ANK2: variants seen among roughly 807,000 people sequenced by gnomAD.
The protein encoded by ANK2 is ankyrin-2.
Under a neutral mutation model 360.5 loss-of-function variants are expected in ANK2, and 83 were observed. That is an observed-to-expected ratio of 0.23 (90% confidence interval 0.19 to 0.28). ANK2 has a LOEUF of 0.28. Among genes scored for constraint, ANK2 ranks in the 10% least tolerant of loss-of-function variants. ANK2 has a pLI of 1.00. For synonymous variants in ANK2, 1,740 were observed against 1,759.5 expected, an observed-to-expected ratio of 0.99 and a Z score of 0.28; for missense variants, 4,201 against 4,795.7, an observed-to-expected ratio of 0.88 and a Z score of 3.66.
chr4:113,160,756 T>C (rs1344986739), intron 1 of ANK2, among the ~76,000 whole-genome samples: 2 of 152,224 alleles, frequency 1.3e-5, no homozygotes, highest in Non-Finnish European at 2.9e-5. Flanking sequence ...CAGATGAATT[T>C]GGACCCCACT....
At chr4:112,755,528 G>A in the ANK2 span, among the ~76,000 whole-genome samples, 4 of 152,186 alleles carry the variant, frequency 2.6e-5, no homozygotes, top group East Asian at 5.8e-4. Context: ...TTTGCGGGCA[G>A]GGGTGGATCT....
At chr4:113,288,814 C>A (rs942541053) in intron 20 of ANK2, among the ~76,000 whole-genome samples, 1 of 152,006 alleles carries the variant, frequency 6.6e-6, no homozygotes, top group African/African-American at 2.4e-5. Context: ...GTGGCTTGGC[C>A]CCCCTCCCCT....
In ANK2 at chr4:113,188,343, G is replaced by A. The variant is rs181379658; in HGVS notation, c.187-8025G>A. On this transcript the variant is annotated intron_variant, in intron 2 of 45. Coordinates refer to ENST00000357077, the MANE Select transcript of ANK2 (RefSeq NM_001148.6). ...AGGAAAGCTTCTAATACTTAGGAAG[G>A]TTCTAGTCATGCCTCCTTAAGCATC... Among the ~76,000 whole-genome samples the A allele has an allele frequency of 2.4e-3, 363 of 152,182 alleles. 1 individual carries two copies. Among genetic ancestry groups the A allele is most frequent in the African/African-American group, 8.0e-3 (332 of 41,520 alleles).
At chr4:112,956,559 G>A (rs984758455) in intron 2 of ANK2, among the ~76,000 whole-genome samples, 1 of 152,228 alleles carries the variant, frequency 6.6e-6, no homozygotes, top group Admixed American at 6.5e-5. Flanking sequence ...TGGGCGGGCA[G>A]CATAGACAGC....
At position 113,004,377 on chromosome 4, in the gene ANK2, A is replaced by T. The variant is rs561576369; in HGVS notation, c.21+99863A>T. ...TCTATAAACTATTTTCTATTTAAAA[A>T]TTTTTTTTGTTTTTAATTTTTTTTT... On this transcript the variant is annotated intron_variant, in intron 2 of 30. Coordinates refer to the ANK2 transcript ENST00000503271. Among the ~76,000 whole-genome samples, 243 of 152,000 alleles carry T rather than the reference A, an allele frequency of 1.6e-3. 2 individuals are homozygous for T. The highest frequency in any genetic ancestry group is 4.8e-3 in the South Asian group (23 of 4,804).
chr4:113,128,490 T>C (rs1460652523), intron 1 of ANK2, among the ~76,000 whole-genome samples: 5 of 152,160 alleles, frequency 3.3e-5, no homozygotes, highest in African/African-American at 7.2e-5. Context: ...CTCGTTGTTA[T>C]TTATTTATTT....
At chr4:113,339,417 T>A in intron 32 of ANK2, 95 bp downstream of exon 32, 6 of 999,250 alleles carry the variant, frequency 6.0e-6, no homozygotes, top group Non-Finnish European at 9.4e-6. Context: ...GTTTAAAAGT[T>A]ATTTTTTCAT....
At chr4:113,032,564 A>G (rs1032440446) in intron 2 of ANK2, among the ~76,000 whole-genome samples, 1 of 151,988 alleles carries the variant, frequency 6.6e-6, no homozygotes, top group African/African-American at 2.4e-5. Flanking sequence ...GAATGATTAT[A>G]TGGTCCTCAC....
upstream of ANK2, among the ~76,000 whole-genome samples, chr4:113,048,720 G>A (rs374964039): frequency 1.1e-4 from 16 of 152,110 alleles, 1 homozygote; most frequent in South Asian, 2.3e-3. Flanking sequence ...AGGAGGGATT[G>A]TGTTTTATTC....
At chr4:113,341,193 A>G (rs1057100291) in intron 32 of ANK2, among the ~76,000 whole-genome samples, 19 of 152,226 alleles carry the variant, frequency 1.2e-4, no homozygotes, top group African/African-American at 4.3e-4. Context: ...TTAGAGTTCC[A>G]TGGAAAAGAA....
chr4:113,048,248 G>GTATATATATATATATATATATA (rs869196489), upstream of ANK2, among the ~76,000 whole-genome samples: 51 of 36,220 alleles, frequency 1.4e-3, no homozygotes, highest in Non-Finnish European at 2.4e-3. Flanking sequence ...CTACAAGTGT[G>GTATATATATATATATATATATA]TATATATATA....
chr4:113,265,264 T>G (rs2055323008), intron 14 of ANK2, among the ~76,000 whole-genome samples: 1 of 152,232 alleles, frequency 6.6e-6, no homozygotes. Context: ...ATTTTAATAC[T>G]GTTTTAACCT....
chr4:113,071,188 C>A (rs1037697392), intron 1 of ANK2, among the ~76,000 whole-genome samples: 2 of 152,100 alleles, frequency 1.3e-5, no homozygotes, highest in Non-Finnish European at 2.9e-5. Flanking sequence ...AAAACAAAAC[C>A]TACATGCAAT....
chr4:113,269,905 T>A (rs2057866803), intron 14 of ANK2, among the ~76,000 whole-genome samples: 1 of 152,228 alleles, frequency 6.6e-6, no homozygotes, highest in Admixed American at 6.5e-5. Flanking sequence ...CGGGTAGCCT[T>A]AACATTACTC....
chr4:113,277,779 A>AT (rs1349023684), intron 15 of ANK2, 58 bp from the exon 16 acceptor site: 4 of 1,405,650 alleles, frequency 2.8e-6, no homozygotes, highest in Middle Eastern at 1.8e-4. Flanking sequence ...AAATAAAAAG[A>AT]TTTTTTGAGG....
chr4:112,988,512 G>T (rs1021538155), intron 2 of ANK2, among the ~76,000 whole-genome samples: 49 of 152,216 alleles, frequency 3.2e-4, no homozygotes, highest in African/African-American at 1.2e-3. Flanking sequence ...GAGAAGAAAT[G>T]CAGAATGTGT....
At chr4:112,847,007 G>A (rs779562891) in intron 1 of ANK2, among the ~76,000 whole-genome samples, 3 of 152,172 alleles carry the variant, frequency 2.0e-5, no homozygotes, top group African/African-American at 4.8e-5. Context: ...AAATTACATC[G>A]ATGAGGATAT....
intron 1 of ANK2, among the ~76,000 whole-genome samples, chr4:113,055,262 A>G (rs1034438098): frequency 3.3e-5 from 5 of 152,110 alleles, no homozygotes; most frequent in Non-Finnish European, 7.4e-5. Flanking sequence ...TTAGCCAGGC[A>G]TGGTTGTACA....
At chr4:113,315,705 TG>T (rs535131237) in intron 24 of ANK2, among the ~76,000 whole-genome samples, 15 of 152,166 alleles carry the variant, frequency 9.9e-5, no homozygotes, top group East Asian at 7.7e-4. Context: ...GAGACCATCC[TG>T]GCTAACACGG....
Sources: allele counts gnomAD v4.1 joint callset (sites outside exome capture counted in the v4.1 genomes callset), GRCh38; gene constraint gnomAD v4.1.1; transcripts MANE v1.5; gene names NCBI Gene and HGNC (gene_info 2026-07-23, HGNC 2026-07-21).